Variants in TSNARE1 observed in about 807,000 individuals in gnomAD.
TSNARE1 encodes t-SNARE domain containing 1, also known as t-SNARE domain-containing protein 1.
A neutral mutation model predicts 62.0 loss-of-function variants in TSNARE1; 49 were observed. That is an observed-to-expected ratio of 0.79 (90% CI 0.63 to 1.00). The LOEUF (loss-of-function observed/expected upper bound fraction) is 1.00, where lower values mean the gene tolerates loss of function less well. TSNARE1 is among the 50% of genes least tolerant of loss of function. The pLI is 0.00. For missense variants in TSNARE1, 755 were observed against 700.1 expected, an observed-to-expected ratio of 1.08 and a Z score of -0.88; for synonymous variants, 328 against 294.4, an observed-to-expected ratio of 1.11 and a Z score of -1.17.
In TSNARE1 at chr8:142,330,931, G is replaced by C. The variant is rs146364989; in HGVS notation, c.863C>G (p.Pro288Arg). The change falls in exon 6 of 14, where the codon CCG (proline) becomes CGG (arginine). Residue 288 changes from proline to arginine, a missense_variant. Coordinates refer to ENST00000524325, the MANE Select transcript of TSNARE1 (RefSeq NM_145003.5). ...GTCCCGAAGCTCCTGCGTGTCACTCGGTGTCCCTAAGGACTGAAGGCTCCG... is the reference window on the plus strand; with the variant it reads ...GTCCCGAAGCTCCTGCGTGTCACTCCGTGTCCCTAAGGACTGAAGGCTCCG... ...LERSLQSLGT[P>R]SDTQELRDSL... 1 of 1,614,046 alleles carries C rather than the reference G, an allele frequency of 6.2e-7. No homozygotes were observed. Among genetic ancestry groups the C allele is most frequent in the Non-Finnish European group, 8.5e-7 (1 of 1,179,966 alleles).
At chr8:142,333,790 G>A (rs138584732) in intron 4 of TSNARE1, among the ~76,000 whole-genome samples, 32 of 152,268 alleles carry the variant, frequency 2.1e-4, no homozygotes, top group East Asian at 3.9e-4. Context: ...CAGGCCTCCC[G>A]GTCCAGCAGC....
chr8:142,222,475 C>T (rs201455007), intron 13 of TSNARE1, among the ~76,000 whole-genome samples: 8 of 19,596 alleles, frequency 4.1e-4, no homozygotes, highest in South Asian at 3.0e-3. Flanking sequence ...CACTCATCCA[C>T]TCACTCACTC....
chr8:142,369,780 G>T (rs961886365), intron 1 of TSNARE1, among the ~76,000 whole-genome samples: 1 of 151,886 alleles, frequency 6.6e-6, no homozygotes, highest in Non-Finnish European at 1.5e-5. Flanking sequence ...AAAACACAGA[G>T]AAAAAAGTGA....
rs13255483 is a variant in TSNARE1 at position 142,282,414 on chromosome 8, G to C, written c.1363+1999C>G. 3.6e-3 allele frequency among the ~76,000 whole-genome samples: 540 copies of C among 149,934 alleles called. 2 individuals are homozygous for C. Among genetic ancestry groups the C allele is most frequent in the Non-Finnish European group, 5.4e-3 (358 of 66,538 alleles). ...TCTGTCAATGATCAGGGTGGGGCCA[G>C]TGTCTATTAATGAGCGGAGCAGGGG... On this transcript the variant is annotated intron_variant, in intron 11 of 13. Transcript: ENST00000524325.
chr8:142,222,369 A>C (rs1332293115), intron 13 of TSNARE1, among the ~76,000 whole-genome samples: 2,380 of 11,116 alleles, frequency 0.21, 526 homozygotes, highest in Non-Finnish European at 0.26. Context: ...CTCATCCACT[A>C]ATTCACTCAC....
chr8:142,316,858 C>T (rs1462010211), intron 7 of TSNARE1, among the ~76,000 whole-genome samples: 6 of 151,946 alleles, frequency 3.9e-5, no homozygotes, highest in Non-Finnish European at 7.4e-5. Flanking sequence ...GCACTGGCCA[C>T]GTCACATGTA....
At chr8:142,352,351 G>A (rs1834202797) in intron 2 of TSNARE1, among the ~76,000 whole-genome samples, 1 of 152,274 alleles carries the variant, frequency 6.6e-6, no homozygotes, top group Non-Finnish European at 1.5e-5. Flanking sequence ...CCACCAGGCT[G>A]GCAAGACATC....
intron 11 of TSNARE1, chr8:142,276,480 T>C (rs1276697912): frequency 2.0e-6 from 2 of 985,332 alleles, no homozygotes; most frequent in African/African-American, 3.5e-5. Flanking sequence ...CCTGCAGTGG[T>C]AACAGCCTGG....
chr8:142,264,365 T>A (rs545388310), intron 12 of TSNARE1, among the ~76,000 whole-genome samples: 10 of 152,356 alleles, frequency 6.6e-5, no homozygotes, highest in African/African-American at 2.4e-4. Context: ...ATGGTCAAAA[T>A]CTGGAAATAT....
intron 11 of TSNARE1, chr8:142,278,823 C>A (rs1820929000): frequency 2.0e-6 from 2 of 984,728 alleles, no homozygotes; most frequent in Non-Finnish European, 2.4e-6. Context: ...GAGGGGCCTG[C>A]AGAAGGAGGG....
chr8:142,405,299 C>T (rs1032114005), upstream of TSNARE1: 1 of 152,240 alleles, frequency 6.6e-6, no homozygotes. Context: ...CATCACATGA[C>T]CTCGGGCAGC....
intron 6 of TSNARE1, among the ~76,000 whole-genome samples, chr8:142,320,068 C>T (rs1829249553): frequency 6.6e-6 from 1 of 152,094 alleles, no homozygotes; most frequent in African/African-American, 2.4e-5. Flanking sequence ...CCACCAGTCC[C>T]CTCCTCACCC....
chr8:142,331,540 C>T (rs1042789597), intron 5 of TSNARE1, among the ~76,000 whole-genome samples: 11 of 152,232 alleles, frequency 7.2e-5, no homozygotes, highest in African/African-American at 2.4e-4. Context: ...CCTTCCCACC[C>T]ATGAAACCCG....
In TSNARE1 at chr8:142,238,203, C is replaced by T. The variant is rs141615892; in HGVS notation, c.1447-8624G>A. 3.3e-3 allele frequency among the ~76,000 whole-genome samples: 501 copies of T among 152,226 alleles called. 1 individual carries two copies. The highest frequency in any genetic ancestry group is 0.011 in the African/African-American group (477 of 41,532). On this transcript the variant is annotated intron_variant, in intron 12 of 13. Coordinates refer to ENST00000524325, the MANE Select transcript of TSNARE1 (RefSeq NM_145003.5). Reference sequence around the variant, plus strand: ...GTCTCCAGGACCCCGGCCTACATTCCCCACCCTCCCAGGTTGCTCAGAATG... The same window carrying T: ...GTCTCCAGGACCCCGGCCTACATTCTCCACCCTCCCAGGTTGCTCAGAATG...
chr8:142,255,996 C>T (rs1586868711), intron 12 of TSNARE1, among the ~76,000 whole-genome samples: 2 of 135,324 alleles, frequency 1.5e-5, no homozygotes, highest in Non-Finnish European at 3.3e-5. Flanking sequence ...CCACCGTCAC[C>T]ATCACCACCA....
At chr8:142,281,434 G>A (rs572028568) in intron 11 of TSNARE1, among the ~76,000 whole-genome samples, 250 of 152,146 alleles carry the variant, frequency 1.6e-3, no homozygotes, top group African/African-American at 5.8e-3. Flanking sequence ...AGGGGGGCAA[G>A]GTCAGCATCC....
chr8:142,307,090 C>T (rs546351862), intron 9 of TSNARE1, among the ~76,000 whole-genome samples: 10 of 152,348 alleles, frequency 6.6e-5, no homozygotes, highest in African/African-American at 2.4e-4. Flanking sequence ...GCTTCTTGGA[C>T]TCAGCGTTAT....
intron 1 of TSNARE1, among the ~76,000 whole-genome samples, chr8:142,364,672 C>T (rs985140688): frequency 8.5e-5 from 13 of 152,142 alleles, no homozygotes; most frequent in East Asian, 1.9e-4. Context: ...CAAAAGAGTA[C>T]GGAAGAGCTC....
At chr8:142,253,024 C>T (rs937272843) in intron 12 of TSNARE1, among the ~76,000 whole-genome samples, 1 of 152,224 alleles carries the variant, frequency 6.6e-6, no homozygotes, top group Non-Finnish European at 1.5e-5. Context: ...CCCACGTCCC[C>T]TCCCCAGGCC....
Sources: allele counts gnomAD v4.1 joint callset (sites outside exome capture counted in the v4.1 genomes callset), GRCh38; gene constraint gnomAD v4.1.1; transcripts MANE v1.5; gene names NCBI Gene and HGNC (gene_info 2026-07-23, HGNC 2026-07-21).